GALNT18: variants seen among roughly 807,000 people sequenced by gnomAD.
GALNT18 encodes the protein polypeptide N-acetylgalactosaminyltransferase 18, also known as GalNAc-transferase 18.
In GALNT18, 44 loss-of-function variants were observed where a neutral mutation model predicts 69.5. That is an observed-to-expected ratio of 0.63 (90% CI 0.50 to 0.81). The LOEUF is 0.81. GALNT18 is among the 40% of genes least tolerant of loss of function. GALNT18 has a pLI of 0.00. For missense variants in GALNT18, 715 were observed against 810.0 expected (o/e 0.88, Z 1.42); for synonymous variants, 364 against 318.2 (o/e 1.14, Z -1.53).
chr11:11,422,180 C>A (rs542361776), intron 3 of GALNT18, among the ~76,000 whole-genome samples: 1 of 152,324 alleles, frequency 6.6e-6, no homozygotes, highest in Admixed American at 6.5e-5. Flanking sequence ...GCCAGAAACT[C>A]AAGAGTCATA....
intron 1 of GALNT18, among the ~76,000 whole-genome samples, chr11:11,487,406 A>G (rs1373445109): frequency 6.6e-6 from 1 of 152,194 alleles, no homozygotes; most frequent in Non-Finnish European, 1.5e-5. Flanking sequence ...CCAAAAAACT[A>G]TGGAAATAAA....
At chr11:11,533,872 G>T (rs531581817) in intron 1 of GALNT18, among the ~76,000 whole-genome samples, 3 of 152,178 alleles carry the variant, frequency 2.0e-5, no homozygotes, top group Non-Finnish European at 4.4e-5. Context: ...CAAAGGTGAC[G>T]TGGCATGGGG....
intron 2 of GALNT18, among the ~76,000 whole-genome samples, chr11:11,433,254 A>G (rs1337294589): frequency 6.6e-6 from 1 of 152,186 alleles, no homozygotes; most frequent in African/African-American, 2.4e-5. Context: ...GCCAAAATCT[A>G]CTTCCCTTTA....
chr11:11,556,635 T>C (rs1367321942), intron 1 of GALNT18, among the ~76,000 whole-genome samples: 2 of 152,220 alleles, frequency 1.3e-5, no homozygotes, highest in Non-Finnish European at 2.9e-5. Flanking sequence ...AAACCAAACT[T>C]GCATGATGCC....
chr11:11,596,560 G>A lies in GALNT18; in HGVS notation c.235+24799C>T, dbSNP rs989380514. 4.6e-5 allele frequency among the ~76,000 whole-genome samples: 7 copies of A among 152,064 alleles called. No homozygotes were observed. The highest frequency in any genetic ancestry group is 8.8e-5 in the Non-Finnish European group (6 of 68,002). ...TTTCAACAATGTTTTGTAGTTTTCA[G>A]AGTATGAGTTTCTGCACTTTTTTCT... is the stretch of plus-strand genomic sequence containing the variant. On this transcript the variant is annotated intron_variant, in intron 1 of 10. Transcript: ENST00000227756. This position sits in a 1 kb window ranked among gnomAD's most constrained non-coding sequence, Gnocchi z 4.2.
chr11:11,289,864 T>C (rs1849266303), intron 10 of GALNT18, among the ~76,000 whole-genome samples: 1 of 152,150 alleles, frequency 6.6e-6, no homozygotes, highest in Admixed American at 6.5e-5. Context: ...ATGTCTCATA[T>C]TGGAGGTGGG....
intron 9 of GALNT18, among the ~76,000 whole-genome samples, chr11:11,311,345 T>G (rs7925750): frequency 0.54 from 82,698 of 152,066 alleles, 22,485 homozygotes; most frequent in Middle Eastern, 0.65. Flanking sequence ...TACATGCCAT[T>G]AGGGAGATGG....
chr11:11,370,828 C>A (rs939549817), intron 6 of GALNT18, among the ~76,000 whole-genome samples: 2 of 152,214 alleles, frequency 1.3e-5, no homozygotes, highest in African/African-American at 4.8e-5. Flanking sequence ...CACATTTTTA[C>A]CCAGAGAACA....
At chr11:11,464,191 C>G (rs575351814) in intron 1 of GALNT18, among the ~76,000 whole-genome samples, 22 of 152,342 alleles carry the variant, frequency 1.4e-4, no homozygotes, top group African/African-American at 3.8e-4. Flanking sequence ...CCAGGATTTT[C>G]CACAAAGTCT....
chr11:11,407,602 AGATGATTT>A (rs1854619892), intron 3 of GALNT18, among the ~76,000 whole-genome samples: 1 of 152,226 alleles, frequency 6.6e-6, no homozygotes, highest in Admixed American at 6.5e-5. Flanking sequence ...CAATGCTGCC[AGATGATTT>A]AGGGGACAGG....
chr11:11,420,969 C>A (rs1395466358), intron 3 of GALNT18, among the ~76,000 whole-genome samples: 1 of 152,072 alleles, frequency 6.6e-6, no homozygotes, highest in Non-Finnish European at 1.5e-5. Context: ...AAACTGGTCA[C>A]CTTGGCTAGT....
At chr11:11,510,805 C>T (rs1857150699) in intron 1 of GALNT18, among the ~76,000 whole-genome samples, 1 of 152,164 alleles carries the variant, frequency 6.6e-6, no homozygotes, top group Admixed American at 6.5e-5. Flanking sequence ...GGGCTGGGCA[C>T]ATTGCAACAT....
rs1167380631 is a variant in GALNT18, at chr11:11,591,804, C to T, written c.235+29555G>A. Among the ~76,000 whole-genome samples the T allele has an allele frequency of 6.6e-6, 1 of 152,178 alleles. No homozygotes were observed. The highest frequency in any genetic ancestry group is 1.5e-5 in the Non-Finnish European group (1 of 68,034). ...AATACACACATTATCAGATTTGGGT[C>T]CTGAGAACACACCTATAATCTTGAA... On this transcript the variant is annotated intron_variant, in intron 1 of 10. Transcript: ENST00000227756. This position sits in a 1 kb window ranked among gnomAD's most constrained non-coding sequence, Gnocchi z 4.8.
rs564110558 is a variant in GALNT18 at position 11,469,104 on chromosome 11, G to A, written c.236-20168C>T. On this transcript the variant is annotated intron_variant, in intron 1 of 10. Coordinates refer to ENST00000227756, the MANE Select transcript of GALNT18 (RefSeq NM_198516.3). The surrounding 1 kb of genome is among the most constrained non-coding windows in gnomAD (Gnocchi z 4.2). ...CCAGGACACAGCACTCTTTAACCAC[G>A]TCACTGTGAATCAGCCAGCTCTGAT... Among the ~76,000 whole-genome samples the A allele has an allele frequency of 5.3e-5, 8 of 152,316 alleles. No individual in the cohort carries two copies. The highest frequency in any genetic ancestry group is 4.1e-4 in the South Asian group (2 of 4,824).
rs1262899688 is a variant in GALNT18 at position 11,538,854 on chromosome 11, C to G, written c.235+82505G>C. ...TTCATGGCTGTGGTTCCCATCTGCA[C>G]AGCACTGCCTGGCCTCCCACCCAAA... On this transcript the variant is annotated intron_variant, in intron 1 of 10. Coordinates refer to ENST00000227756, the MANE Select transcript of GALNT18 (RefSeq NM_198516.3). The surrounding 1 kb of genome is among the most constrained non-coding windows in gnomAD (Gnocchi z 5.2). Among the ~76,000 whole-genome samples, 1 of 152,176 alleles carries G rather than the reference C, an allele frequency of 6.6e-6. No individual in the cohort carries two copies. The highest frequency in any genetic ancestry group is 6.5e-5 in the Admixed American group (1 of 15,286).
In GALNT18 at chr11:11,402,728, G is replaced by T. The variant is rs1347001203; in HGVS notation, c.596-23464C>A. Among the ~76,000 whole-genome samples, 1 of 152,204 alleles carries T rather than the reference G, an allele frequency of 6.6e-6. No homozygotes were observed. The highest frequency in any genetic ancestry group is 1.5e-5 in the Non-Finnish European group (1 of 68,042). ...AGTCATTTTCCAAACCTAAAGTGTGGCATTTTAATGCACCTGCCTTGCAGC... is the reference window on the plus strand; with the variant it reads ...AGTCATTTTCCAAACCTAAAGTGTGTCATTTTAATGCACCTGCCTTGCAGC... On this transcript the variant is annotated intron_variant, in intron 3 of 10. Transcript: ENST00000227756. This position sits in a 1 kb window ranked among gnomAD's most constrained non-coding sequence, Gnocchi z 4.0.
At chr11:11,427,164 C>G (rs545442366) in intron 3 of GALNT18, among the ~76,000 whole-genome samples, 5 of 152,234 alleles carry the variant, frequency 3.3e-5, no homozygotes, top group African/African-American at 1.2e-4. Context: ...CGGAGCCAGC[C>G]CCTGAAAAAG....
intron 2 of GALNT18, among the ~76,000 whole-genome samples, chr11:11,440,459 G>A (rs186270942): frequency 2.6e-5 from 4 of 152,308 alleles, no homozygotes; most frequent in South Asian, 2.1e-4. Context: ...TGCTGGGGCC[G>A]GGAAAGGCAG....
chr11:11,446,231 G>A (rs115943259), intron 2 of GALNT18, among the ~76,000 whole-genome samples: 3,738 of 152,314 alleles, frequency 0.025, 152 homozygotes, highest in African/African-American at 0.085. Flanking sequence ...TGTTAATGTG[G>A]TCCAAATGGG....
Sources: gnomAD v4.1 joint callset for allele counts (sites outside exome capture counted in the v4.1 genomes callset) on GRCh38, gnomAD v4.1.1 for gene constraint, Gnocchi (gnomAD v3.1) non-coding constraint, MANE v1.5 for transcripts, NCBI Gene and HGNC (gene_info 2026-07-23, HGNC 2026-07-21) for gene names.